The following AIM2 variants were observed in gnomAD, a reference collection of about 807,000 sequenced individuals.
AIM2 encodes the protein absent in melanoma 2.
Under a neutral mutation model 27.7 loss-of-function variants are expected in AIM2, and 30 were observed. The observed-to-expected ratio is 1.08, with a 90% CI of 0.81 to 1.47. AIM2 has a LOEUF of 1.47. Ranked by LOEUF, AIM2 falls within the 40% of genes most tolerant of loss-of-function variation. The pLI is 0.00. For missense variants in AIM2, 358 were observed against 411.3 expected, an observed-to-expected ratio of 0.87 and a Z score of 1.12; for synonymous variants, 141 against 145.3, an observed-to-expected ratio of 0.97 and a Z score of 0.21.
At chr1:159,119,511 C>A (rs1027933078) in intron 1 of AIM2, among the ~76,000 whole-genome samples, 1 of 152,096 alleles carries the variant, frequency 6.6e-6, no homozygotes, top group Non-Finnish European at 1.5e-5. Flanking sequence ...CCCCTTCAAG[C>A]TGTACCCTTT....
intron 1 of AIM2, among the ~76,000 whole-genome samples, chr1:159,106,110 G>GGGAGAGGCC (rs1557906409): frequency 1.3e-5 from 2 of 152,198 alleles, no homozygotes; most frequent in Admixed American, 1.3e-4. Flanking sequence ...CAGGGAGTGA[G>GGGAGAGGCC]AGCAGGCACT....
At chr1:159,060,538 T>C (rs1295155778), downstream of AIM2, among the ~76,000 whole-genome samples, 1 of 152,234 alleles carries the variant, frequency 6.6e-6, no homozygotes, top group Non-Finnish European at 1.5e-5. Flanking sequence ...AAAAATTTCC[T>C]TCCTGCTGCT....
At chr1:159,112,730 T>C (rs1196927078) in intron 1 of AIM2, among the ~76,000 whole-genome samples, 2 of 152,086 alleles carry the variant, frequency 1.3e-5, no homozygotes, top group Admixed American at 6.5e-5. Flanking sequence ...CAATCTTAAA[T>C]GAAATGAAAT....
chr1:159,140,698 A>G (rs1009503234), upstream of AIM2, among the ~76,000 whole-genome samples: 1 of 152,218 alleles, frequency 6.6e-6, no homozygotes, highest in Non-Finnish European at 1.5e-5. Flanking sequence ...GAGCCAGACC[A>G]GCCCAAAATA....
chr1:159,113,561 A>G (rs767700366), intron 1 of AIM2, among the ~76,000 whole-genome samples: 34 of 152,262 alleles, frequency 2.2e-4, no homozygotes, highest in Non-Finnish European at 4.3e-4. Flanking sequence ...AGGGTTTAAA[A>G]TCGGACTACC....
Position 159,065,899 on chromosome 1 carries a change from T to A in AIM2, c.816+11A>T. On this transcript the variant is annotated intron_variant, in intron 4 of 5. Coordinates refer to ENST00000368130, the MANE Select transcript of AIM2 (RefSeq NM_004833.3). ...TTACTAATCAATATGAAATTAGATA[T>A]GAAAACTTACCTTCTGGACTACAAA... The A allele has an allele frequency of 6.3e-7, 1 of 1,574,846 alleles. No homozygotes were observed. The highest frequency in any genetic ancestry group is 8.6e-7 in the Non-Finnish European group (1 of 1,163,774).
At chr1:159,117,195 C>G (rs769783230) in intron 1 of AIM2, among the ~76,000 whole-genome samples, 1 of 151,976 alleles carries the variant, frequency 6.6e-6, no homozygotes, top group African/African-American at 2.4e-5. Context: ...ATTTTAAAAA[C>G]GGAGGAGACA....
chr1:159,086,921 G>A (rs1249897584), intron 1 of AIM2, among the ~76,000 whole-genome samples: 1 of 152,148 alleles, frequency 6.6e-6, no homozygotes, highest in Non-Finnish European at 1.5e-5. Flanking sequence ...CTAATGTCTT[G>A]TCTGCCTTTT....
intron 3 of AIM2, among the ~76,000 whole-genome samples, chr1:159,067,556 G>C (rs1013955014): frequency 6.6e-6 from 1 of 152,194 alleles, no homozygotes; most frequent in Non-Finnish European, 1.5e-5. Flanking sequence ...GGAAAGGTCA[G>C]CTCCACTGAG....
intron 1 of AIM2, among the ~76,000 whole-genome samples, chr1:159,102,202 G>A (rs1325787685): frequency 6.6e-6 from 1 of 152,230 alleles, no homozygotes; most frequent in African/African-American, 2.4e-5. Flanking sequence ...GTGCTTCAGA[G>A]GGTGCAAGCT....
chr1:159,125,842 G>A (rs960516548), intron 1 of AIM2, among the ~76,000 whole-genome samples: 1 of 152,130 alleles, frequency 6.6e-6, no homozygotes, highest in African/African-American at 2.4e-5. Flanking sequence ...TGTGTGTCAA[G>A]GCATCAGAAT....
the AIM2 span, among the ~76,000 whole-genome samples, chr1:159,055,645 C>T: frequency 2.6e-5 from 4 of 152,214 alleles, no homozygotes; most frequent in Non-Finnish European, 5.9e-5. Context: ...CTATAGTGAT[C>T]TGATACATTA....
intron 1 of AIM2, among the ~76,000 whole-genome samples, chr1:159,102,305 A>C (rs1012127512): frequency 6.6e-6 from 1 of 152,198 alleles, no homozygotes; most frequent in African/African-American, 2.4e-5. Flanking sequence ...ATTTCAGAGG[A>C]TGTATGGAAA....
downstream of AIM2, among the ~76,000 whole-genome samples, chr1:159,061,283 T>A (rs974507956): frequency 6.6e-6 from 1 of 152,214 alleles, no homozygotes; most frequent in African/African-American, 2.4e-5. Context: ...TTGAGTGTAT[T>A]TTTATGTGCT....
At chr1:159,080,435 T>C (rs956434017), upstream of AIM2, among the ~76,000 whole-genome samples, 2 of 152,348 alleles carry the variant, frequency 1.3e-5, no homozygotes, top group East Asian at 1.9e-4. Flanking sequence ...AAATACATCA[T>C]ATAAAGAATT....
At chr1:159,095,621 A>G (rs1657163148) in intron 1 of AIM2, among the ~76,000 whole-genome samples, 1 of 152,230 alleles carries the variant, frequency 6.6e-6, no homozygotes, top group Admixed American at 6.5e-5. Flanking sequence ...TCTGTCTGAT[A>G]TAGAAAATGT....
At chr1:159,146,742 C>G (rs890427794) in intron 1 of AIM2, among the ~76,000 whole-genome samples, 1 of 152,118 alleles carries the variant, frequency 6.6e-6, no homozygotes, top group Non-Finnish European at 1.5e-5. Flanking sequence ...CCCCCTTAGC[C>G]ATCAACCTCA....
At chr1:159,123,168 T>C (rs1647587275) in intron 1 of AIM2, among the ~76,000 whole-genome samples, 2 of 152,178 alleles carry the variant, frequency 1.3e-5, no homozygotes, top group African/African-American at 4.8e-5. Flanking sequence ...CATAGTTATT[T>C]ATAGCTTACA....
At chr1:159,064,162 A>G (rs1171252629) in intron 4 of AIM2, among the ~76,000 whole-genome samples, 1 of 152,244 alleles carries the variant, frequency 6.6e-6, no homozygotes, top group Non-Finnish European at 1.5e-5. Context: ...GCTCAGGGTC[A>G]GAAGCCCTAA....
Sources: allele counts gnomAD v4.1 joint callset (sites outside exome capture counted in the v4.1 genomes callset), GRCh38; gene constraint gnomAD v4.1.1; transcripts MANE v1.5; gene names NCBI Gene and HGNC (gene_info 2026-07-23, HGNC 2026-07-21).